SLC14A2: variants seen among roughly 807,000 people sequenced by gnomAD.
SLC14A2 encodes the protein urea transporter 2.
Under a neutral mutation model 104.6 loss-of-function variants are expected in SLC14A2, and 91 were observed. That is an observed-to-expected ratio of 0.87 (90% CI 0.73 to 1.04). The LOEUF (loss-of-function observed/expected upper bound fraction) is 1.04. Among genes scored for constraint, SLC14A2 ranks in the 50% least tolerant of loss-of-function variants. The pLI is 0.00. For missense variants in SLC14A2, 1,189 were observed against 1,156.0 expected, an observed-to-expected ratio of 1.03 and a Z score of -0.41; for synonymous variants, 476 against 466.4, an observed-to-expected ratio of 1.02 and a Z score of -0.27.
chr18:45,411,201 A>G (rs148317655), intron 1 of SLC14A2, among the ~76,000 whole-genome samples: 2 of 151,904 alleles, frequency 1.3e-5, no homozygotes, highest in African/African-American at 4.8e-5. Flanking sequence ...TCTGTGTGCT[A>G]TGTGTGTGTG....
At chr18:45,255,109 C>T (rs1396670831) in intron 1 of SLC14A2, among the ~76,000 whole-genome samples, 1 of 152,202 alleles carries the variant, frequency 6.6e-6, no homozygotes, top group Non-Finnish European at 1.5e-5. Context: ...TTCTTTCCTT[C>T]TCTCTCTTCT....
At chr18:45,213,060 A>G (rs2083975252) in exon 1 of SLC14A2, 1 of 152,322 alleles carries the variant, frequency 6.6e-6, no homozygotes, top group Admixed American at 6.6e-5. Context: ...TTCTTGGCAG[A>G]CCCTTTCCAG....
chr18:45,635,373 T>G (rs2045402816), intron 5 of SLC14A2, among the ~76,000 whole-genome samples: 1 of 152,156 alleles, frequency 6.6e-6, no homozygotes, highest in Non-Finnish European at 1.5e-5. Context: ...TTTAGAAGTC[T>G]GGCAAGAGAG....
intron 2 of SLC14A2, among the ~76,000 whole-genome samples, chr18:45,548,753 C>G (rs2044010741): frequency 6.6e-6 from 1 of 152,192 alleles, no homozygotes; most frequent in African/African-American, 2.4e-5. Context: ...CAGAGTTCAT[C>G]CCTCCCCAAC....
At chr18:45,609,192 C>CTTCT (rs1435578402) in intron 2 of SLC14A2, among the ~76,000 whole-genome samples, 1 of 152,114 alleles carries the variant, frequency 6.6e-6, no homozygotes, top group Non-Finnish European at 1.5e-5. Flanking sequence ...GTTTGGCTTC[C>CTTCT]TTCTTGGCAC....
intron 1 of SLC14A2, among the ~76,000 whole-genome samples, chr18:45,247,823 C>G (rs1406255828): frequency 6.6e-6 from 1 of 151,702 alleles, no homozygotes; most frequent in Non-Finnish European, 1.5e-5. Flanking sequence ...GCAACCATGT[C>G]TCTCATGACC....
At chr18:45,463,708 C>A (rs1336932443) in intron 1 of SLC14A2, among the ~76,000 whole-genome samples, 1 of 152,174 alleles carries the variant, frequency 6.6e-6, no homozygotes. Context: ...CCCTAGTGGG[C>A]AGGTGGTGAG....
At chr18:45,368,944 C>T (rs2085694266) in intron 1 of SLC14A2, among the ~76,000 whole-genome samples, 1 of 152,178 alleles carries the variant, frequency 6.6e-6, no homozygotes, top group South Asian at 2.1e-4. Context: ...CATGAATTCT[C>T]ATCATCTTCA....
Position 45,610,362 on chromosome 18 carries a change from G to C in SLC14A2, c.-34-14269G>C, listed in dbSNP as rs189636361. On this transcript the variant is annotated intron_variant, in intron 2 of 20. Coordinates refer to the SLC14A2 transcript ENST00000586448. ...ATCTAGGTCAGGGTTTCTCAATCCT[G>C]GCTGAACATTACCATTACCTAGGGA... Among the ~76,000 whole-genome samples, 6 of 152,174 alleles carry C rather than the reference G, an allele frequency of 3.9e-5. No homozygotes were observed. The South Asian group carries it at 1.0e-3, about 26-fold the overall frequency.
intron 1 of SLC14A2, among the ~76,000 whole-genome samples, chr18:45,401,117 C>T (rs117347447): frequency 0.015 from 2,262 of 152,236 alleles, 23 homozygotes; most frequent in Non-Finnish European, 0.024. Flanking sequence ...GTTGACTGAG[C>T]TCACTCCTCA....
intron 2 of SLC14A2, among the ~76,000 whole-genome samples, chr18:45,584,998 C>T (rs376195169): frequency 3.3e-5 from 5 of 152,294 alleles, no homozygotes; most frequent in African/African-American, 1.2e-4. Context: ...TCTCTCTGGG[C>T]CTTTTCCTGA....
chr18:45,240,991 A>G (rs763609544), intron 1 of SLC14A2, among the ~76,000 whole-genome samples: 15 of 152,282 alleles, frequency 9.9e-5, no homozygotes, highest in Non-Finnish European at 1.9e-4. Context: ...ACTAAGCTTC[A>G]ACCCAGGGAA....
intron 2 of SLC14A2, among the ~76,000 whole-genome samples, chr18:45,484,386 A>T (rs779731062): frequency 2.6e-5 from 4 of 152,172 alleles, no homozygotes; most frequent in Non-Finnish European, 5.9e-5. Context: ...CACCATGCAG[A>T]AGGGTAGCAC....
chr18:45,332,617 G>T (rs1028136264), intron 1 of SLC14A2, among the ~76,000 whole-genome samples: 1 of 152,124 alleles, frequency 6.6e-6, no homozygotes, highest in Admixed American at 6.6e-5. Context: ...TAGAAGAGAG[G>T]AAATAAGACA....
intron 1 of SLC14A2, among the ~76,000 whole-genome samples, chr18:45,226,585 T>A (rs866524931): frequency 6.7e-6 from 1 of 148,696 alleles, no homozygotes; most frequent in Non-Finnish European, 1.5e-5. Flanking sequence ...AACCAAACAC[T>A]GCATGTTCTC....
At chr18:45,514,630 C>T (rs1254412945) in intron 2 of SLC14A2, among the ~76,000 whole-genome samples, 3 of 152,180 alleles carry the variant, frequency 2.0e-5, no homozygotes, top group Non-Finnish European at 4.4e-5. Flanking sequence ...GTAGACCTGA[C>T]CTATATTCCT....
rs200820361 is a variant in SLC14A2, at chr18:45,625,760, C to T, written c.228C>T (p.Asp76=). The T allele has an allele frequency of 7.2e-5, 113 of 1,564,610 alleles. 1 individual carries two copies. The highest frequency in any genetic ancestry group is 5.0e-4 in the Middle Eastern group (3 of 5,954). The change falls in exon 3 of 20, where the codon GAC becomes GAT. Residue 76 remains aspartate (D), a synonymous_variant. Transcript: ENST00000255226. ...ATGAAAGGAGTAAAAGGAAAGACGA[C>T]GGGGTGGCCCATCGGGACTCAGCAG... ...KLNERSKRKD[D]GVAHRDSAGQ...
chr18:45,667,206 G>C (rs1012648871), intron 13 of SLC14A2, 112 bp downstream of exon 13: 1 of 763,296 alleles, frequency 1.3e-6, no homozygotes, highest in Non-Finnish European at 2.1e-6. Context: ...AGACTAGACT[G>C]CACTCTGTTA....
At chr18:45,224,205 G>A (rs2084091501) in intron 1 of SLC14A2, among the ~76,000 whole-genome samples, 1 of 152,232 alleles carries the variant, frequency 6.6e-6, no homozygotes, top group African/African-American at 2.4e-5. Flanking sequence ...CATGGCAGCA[G>A]CCAAAGCCTC....
Sources: gnomAD v4.1 joint callset for allele counts (sites outside exome capture counted in the v4.1 genomes callset) on GRCh38, gnomAD v4.1.1 for gene constraint, MANE v1.5 for transcripts, NCBI Gene and HGNC (gene_info 2026-07-23, HGNC 2026-07-21) for gene names.